Variants in PDE6A observed in about 807,000 individuals in gnomAD.
PDE6A encodes phosphodiesterase 6A.
PDE6A carries 84 observed loss-of-function variants against 106.3 expected under a neutral mutation model. That is an observed-to-expected ratio of 0.79 (90% CI 0.66 to 0.95). The LOEUF is 0.95. Ranked by LOEUF, PDE6A falls within the 40% of genes least tolerant of loss-of-function variation. The pLI, the probability that PDE6A is intolerant of heterozygous loss-of-function variation, is 0.00. For synonymous variants in PDE6A, 394 were observed against 386.6 expected, an observed-to-expected ratio of 1.02 and a Z score of -0.23; for missense variants, 1,052 against 1,084.9, an observed-to-expected ratio of 0.97 and a Z score of 0.43.
Position 149,863,777 on chromosome 5 carries a change from C to A in PDE6A, c.2359-511G>T, listed in dbSNP as rs1358032573. Among the ~76,000 whole-genome samples, 4 of 152,176 alleles carry A rather than the reference C, an allele frequency of 2.6e-5. No individual in the cohort carries two copies. Among genetic ancestry groups the A allele is most frequent in the Non-Finnish European group, 5.9e-5 (4 of 68,040 alleles). Reference sequence around the variant, plus strand: ...TAGCTGGAACTACAGGCTCATGCCACCACACCCAGGTAATTTTTTTTATTT... The same window carrying A: ...TAGCTGGAACTACAGGCTCATGCCAACACACCCAGGTAATTTTTTTTATTT... On this transcript the variant is annotated intron_variant, in intron 20 of 21. Coordinates refer to ENST00000255266, the MANE Select transcript of PDE6A (RefSeq NM_000440.3). This position sits in a 1 kb window ranked among gnomAD's most constrained non-coding sequence, Gnocchi z 4.7.
chr5:149,878,624 C>G (rs1392355492), intron 17 of PDE6A, among the ~76,000 whole-genome samples: 1 of 152,224 alleles, frequency 6.6e-6, no homozygotes, highest in Non-Finnish European at 1.5e-5. Context: ...AGCCTGTTTA[C>G]ACTCCCGCAT....
intron 13 of PDE6A, among the ~76,000 whole-genome samples, chr5:149,893,628 A>T (rs1752626391): frequency 6.6e-6 from 1 of 152,196 alleles, no homozygotes; most frequent in East Asian, 1.9e-4. Context: ...TCCACTAAAT[A>T]TGGTTATGCA....
chr5:149,937,806 T>A (rs1219687915), intron 1 of PDE6A, among the ~76,000 whole-genome samples: 1 of 152,242 alleles, frequency 6.6e-6, no homozygotes, highest in Admixed American at 6.5e-5. Context: ...TGAGTAATAA[T>A]GACTAGGCTC....
chr5:149,894,787 C>T (rs867460646), intron 13 of PDE6A, among the ~76,000 whole-genome samples: 32 of 152,046 alleles, frequency 2.1e-4, no homozygotes, highest in South Asian at 4.2e-4. Flanking sequence ...CCCGCCACCA[C>T]GCCCAGCTAA....
At chr5:149,904,880 T>C (rs1753126420) in intron 7 of PDE6A, among the ~76,000 whole-genome samples, 2 of 152,150 alleles carry the variant, frequency 1.3e-5, no homozygotes, top group Admixed American at 6.5e-5. Flanking sequence ...GCATCCATCA[T>C]GGTCCCTATA....
intron 4 of PDE6A, among the ~76,000 whole-genome samples, chr5:149,927,822 C>T (rs1753904207): frequency 6.6e-6 from 1 of 151,414 alleles, no homozygotes; most frequent in South Asian, 2.1e-4. Flanking sequence ...CTTTTTTTCT[C>T]TTAAATTTTT....
chr5:149,911,536 T>C (rs954296108), intron 6 of PDE6A, among the ~76,000 whole-genome samples: 1 of 152,214 alleles, frequency 6.6e-6, no homozygotes, highest in African/African-American at 2.4e-5. Context: ...ACCTAGGCAA[T>C]AACAACTTTG....
chr5:149,933,789 C>CACTA (rs1271988454), intron 3 of PDE6A, 141 bp downstream of exon 3: 2 of 689,916 alleles, frequency 2.9e-6, no homozygotes, highest in Non-Finnish European at 5.3e-6. Context: ...TACAGACAAC[C>CACTA]ACTACCTCAT....
intron 16 of PDE6A, among the ~76,000 whole-genome samples, chr5:149,883,775 G>A (rs959252877): frequency 5.9e-5 from 9 of 152,180 alleles, no homozygotes; most frequent in South Asian, 2.1e-4. Context: ...TCTGTACAGC[G>A]GGGGTAATGA....
chr5:149,906,545 C>A (rs1477020235), intron 7 of PDE6A, among the ~76,000 whole-genome samples: 2 of 49,860 alleles, frequency 4.0e-5, no homozygotes, highest in Non-Finnish European at 1.1e-4. Context: ...AAAATCCCAC[C>A]TTTTAGACAA....
rs1554091211 is a variant in PDE6A at position 149,920,942 on chromosome 5, A to AAAAGAAGAAAGAAAGAAAG, written c.933+692_933+693insCTTTCTTTCTTTCTTCTTT. Among the ~76,000 whole-genome samples the AAAAGAAGAAAGAAAGAAAG allele has an allele frequency of 1.5e-3, 167 of 108,282 alleles. 1 individual carries two copies. Among genetic ancestry groups the AAAAGAAGAAAGAAAGAAAG allele is most frequent in the Non-Finnish European group, 2.2e-3 (122 of 56,352 alleles). 71.0% of individuals were successfully genotyped at this position (108,282 alleles called of 152,430 possible). On this transcript the variant is annotated intron_variant, in intron 5 of 21. Transcript: ENST00000255266. ...GAAAGAAGAAAGAGAGAAAGAGAGA[A>AAAAGAAGAAAGAAAGAAAG]AAAGAAAGAAAGAAAGAAAGAAAGA...
chr5:149,938,303 C>G (rs1444711404), intron 1 of PDE6A, among the ~76,000 whole-genome samples: 1 of 151,986 alleles, frequency 6.6e-6, no homozygotes, highest in Non-Finnish European at 1.5e-5. Context: ...CCTGTTCTAG[C>G]CTGCTAGGTC....
Position 149,944,464 on chromosome 5 carries a change from C to A in PDE6A, c.210G>T (p.Glu70Asp). The change falls in exon 1 of 22, where the codon GAG becomes GAT. Residue 70 changes from glutamate (E) to aspartate (D), a missense_variant. Glu to Asp is a conservative substitution (Grantham distance 45). Around this residue, in one of 3 missense-constraint regions of PDE6A, gnomAD observed 913 missense variants for 915.2 expected, o/e 1.00. Transcript: ENST00000255266. ...AGATGCATTTCTCTGTCTGTAAATT[C>A]TCCTGAAAGTCCCGCAGGAGATCAA... is the stretch of plus-strand genomic sequence containing the variant. Reference protein sequence around the residue: ...IIFDLLRDFQENLQTEKCIFN... With the variant: ...IIFDLLRDFQDNLQTEKCIFN... 6.2e-7 allele frequency: 1 copy of A among 1,614,166 alleles called. No individual in the cohort carries two copies. The highest frequency in any genetic ancestry group is 8.5e-7 in the Non-Finnish European group (1 of 1,180,032).
At chr5:149,872,032 A>T (rs1260815729) in intron 17 of PDE6A, among the ~76,000 whole-genome samples, 1 of 152,188 alleles carries the variant, frequency 6.6e-6, no homozygotes, top group Non-Finnish European at 1.5e-5. Flanking sequence ...TGCCACAAAA[A>T]TATTGTATGC....
At chr5:149,901,419 T>G (rs1347480717) in intron 8 of PDE6A, among the ~76,000 whole-genome samples, 1 of 151,968 alleles carries the variant, frequency 6.6e-6, no homozygotes, top group Admixed American at 6.5e-5. Context: ...TCCCAGCCAC[T>G]CAGGAGGCTG....
intron 17 of PDE6A, among the ~76,000 whole-genome samples, chr5:149,869,174 A>G (rs1417931031): frequency 6.6e-6 from 1 of 152,156 alleles, no homozygotes; most frequent in Non-Finnish European, 1.5e-5. Context: ...TACTAAAAAT[A>G]CAAAAATTAG....
chr5:149,865,352 G>A (rs1287015867), intron 20 of PDE6A, among the ~76,000 whole-genome samples: 1 of 151,038 alleles, frequency 6.6e-6, no homozygotes, highest in African/African-American at 2.4e-5. Flanking sequence ...CAAGGCTGCT[G>A]TAAGCTATGA....
At chr5:149,928,828 T>C (rs561080674) in intron 4 of PDE6A, among the ~76,000 whole-genome samples, 2 of 152,294 alleles carry the variant, frequency 1.3e-5, no homozygotes, top group East Asian at 3.9e-4. Context: ...TTTTTTTAAA[T>C]GGAGGAGAAA....
intron 17 of PDE6A, among the ~76,000 whole-genome samples, chr5:149,879,638 A>T (rs1219782404): frequency 1.5e-5 from 2 of 129,306 alleles, no homozygotes; most frequent in African/African-American, 6.0e-5. Context: ...ATGTGATCTC[A>T]TTGTTCAATT....
Sources: allele counts gnomAD v4.1 joint callset (sites outside exome capture counted in the v4.1 genomes callset), GRCh38; gene constraint gnomAD v4.1.1; regional missense constraint gnomAD v4.1.1; non-coding constraint Gnocchi (gnomAD v3.1); transcripts MANE v1.5; gene names NCBI Gene and HGNC (gene_info 2026-07-23, HGNC 2026-07-21).